Variants in MECOM observed in about 807,000 individuals in gnomAD.
The protein encoded by MECOM is MDS1 and EVI1 complex locus, also known as histone-lysine N-methyltransferase MECOM.
In MECOM, 13 loss-of-function variants were observed where a neutral mutation model predicts 116.3. The observed-to-expected ratio is 0.11, with a 90% CI of 0.07 to 0.18. The LOEUF (loss-of-function observed/expected upper bound fraction) is 0.18. MECOM is among the 10% of genes least tolerant of loss of function. The pLI is 1.00. For synonymous variants in MECOM, 528 were observed against 535.2 expected (o/e 0.99, Z 0.19); for missense variants, 1,299 against 1,509.0 (o/e 0.86, Z 2.31).
Position 169,089,122 on chromosome 3 carries a change from C to T in MECOM, c.3463G>A (p.Asp1155Asn), listed in dbSNP as rs756078516. Residue 1155 changes from aspartate (D) to asparagine (N), a missense_variant, in exon 16 of 17, where the codon GAT (aspartate) becomes AAT (asparagine). Transcript: ENST00000651503. The part of the protein sequence containing the change: ...SALDHIRHFT[D>N]SLKMRKMEDN... ...TCCATTTTCCTCATTTTGAGGCTATCTGTGAAGTGCCTTATATGATCTAGA... is the reference window on the plus strand; with the variant it reads ...TCCATTTTCCTCATTTTGAGGCTATTTGTGAAGTGCCTTATATGATCTAGA... 4.4e-6 allele frequency: 7 copies of T among 1,608,148 alleles called. No homozygotes were observed. Among genetic ancestry groups the T allele is most frequent in the East Asian group, 2.2e-5 (1 of 44,448 alleles).
intron 2 of MECOM, among the ~76,000 whole-genome samples, chr3:169,191,740 G>GAAAAAAGAAAGAAAGAA (rs760490760): frequency 1.6e-5 from 1 of 64,274 alleles, no homozygotes; most frequent in African/African-American, 5.0e-5. Flanking sequence ...AAGAAAGAAA[G>GAAAAAAGAAAGAAAGAA]AGAAAGAAAG....
chr3:169,536,028 T>C (rs1759307725), intron 1 of MECOM, among the ~76,000 whole-genome samples: 1 of 152,222 alleles, frequency 6.6e-6, no homozygotes, highest in Non-Finnish European at 1.5e-5. Context: ...TATGCACTAC[T>C]GTTTCATTTA....
chr3:169,639,083 T>A (rs1277234226), intron 1 of MECOM, among the ~76,000 whole-genome samples: 1 of 152,072 alleles, frequency 6.6e-6, no homozygotes, highest in African/African-American at 2.4e-5. Context: ...AACCAATCAT[T>A]AGGATTAGCA....
intron 2 of MECOM, among the ~76,000 whole-genome samples, chr3:169,378,386 CA>C (rs1166941175): frequency 3.4e-5 from 2 of 59,182 alleles, no homozygotes; most frequent in Non-Finnish European, 7.1e-5. Flanking sequence ...GGAAGGAAGA[CA>C]AGAAAGAAAG....
At chr3:169,604,238 T>C (rs73879090) in intron 1 of MECOM, among the ~76,000 whole-genome samples, 1,709 of 151,466 alleles carry the variant, frequency 0.011, 33 homozygotes, top group African/African-American at 0.04. Context: ...TCTCTCTCTC[T>C]CTCCCTCCCT....
chr3:169,115,853 A>G lies in MECOM; in HGVS notation c.2019T>C (p.Phe673=). Residue 673 remains phenylalanine (F), a synonymous_variant, in exon 8 of 17, where the codon TTT becomes TTC. Coordinates refer to ENST00000651503, the MANE Select transcript of MECOM (RefSeq NM_004991.4). The part of the protein sequence containing the change: ...KAIASIAEKY[F]GSTGLVGLQD... ...GCAGCCCCACCAGTCCTGTTGAACC[A>G]AAGTATTTTTCAGCAATAGAAGCAA... 7 of 1,614,090 alleles carry G rather than the reference A, an allele frequency of 4.3e-6. No homozygotes were observed. The highest frequency in any genetic ancestry group is 1.1e-5 in the South Asian group (1 of 91,082).
chr3:169,146,504 C>G (rs776047941), intron 2 of MECOM: 1 of 1,380,270 alleles, frequency 7.2e-7, no homozygotes, highest in Non-Finnish European at 9.6e-7. Flanking sequence ...ACCCCGGAGA[C>G]GTGTCCAGAC....
In MECOM at chr3:169,121,237, A is replaced by C; in HGVS notation, c.979-28T>G. The C allele has an allele frequency of 6.4e-7, 1 of 1,560,728 alleles. No homozygotes were observed. The highest frequency in any genetic ancestry group is 8.7e-7 in the Non-Finnish European group (1 of 1,148,062). On this transcript the variant is annotated intron_variant, in intron 6 of 16. Transcript: ENST00000651503. Reference sequence around the variant, plus strand: ...GCTAGGAAATGAGTACTGATTAATCAAGAAACTTAACTCAAGGGCACAATA... The same window carrying C: ...GCTAGGAAATGAGTACTGATTAATCCAGAAACTTAACTCAAGGGCACAATA...
At chr3:169,631,938 C>G (rs893395244) in intron 1 of MECOM, among the ~76,000 whole-genome samples, 1 of 152,020 alleles carries the variant, frequency 6.6e-6, no homozygotes, top group East Asian at 1.9e-4. Flanking sequence ...TTTGTCTGCT[C>G]TTGTTGATGT....
intron 2 of MECOM, among the ~76,000 whole-genome samples, chr3:169,196,862 T>G (rs1748472455): frequency 6.6e-6 from 1 of 151,982 alleles, no homozygotes; most frequent in Non-Finnish European, 1.5e-5. Flanking sequence ...CCCATGCACT[T>G]GTATTTTAAT....
At position 169,116,094 on chromosome 3, in the gene MECOM, A is replaced by G. The variant is rs1577004258; in HGVS notation, c.1778T>C (p.Leu593Pro). 3.7e-6 allele frequency: 6 copies of G among 1,614,132 alleles called. No homozygotes were observed. Among genetic ancestry groups the G allele is most frequent in the Non-Finnish European group, 5.1e-6 (6 of 1,180,032 alleles). ...CAGATCAGAGCCCGAGGTTGTTTCC[A>G]GGTCACTGCCACTTGGTGTACTGAC... ...DDVSTPSGSD[L>P]ETTSGSDLES... The change falls in exon 8 of 17, where the codon CTG becomes CCG. Residue 593 changes from leucine to proline, a missense_variant. By Grantham distance (98) the Leu-to-Pro change is moderately conservative. This residue lies in a region of MECOM where 238 missense variants were observed against 273.1 expected (regional missense o/e 0.87). Transcript: ENST00000651503.
intron 1 of MECOM, among the ~76,000 whole-genome samples, chr3:169,408,743 G>T (rs917845383): frequency 3.9e-5 from 6 of 152,140 alleles, no homozygotes; most frequent in African/African-American, 1.4e-4. Flanking sequence ...ATCCTGGTTG[G>T]CTGTATGCTA....
chr3:169,447,476 C>G (rs1164167518), intron 1 of MECOM, among the ~76,000 whole-genome samples: 1 of 151,996 alleles, frequency 6.6e-6, no homozygotes, highest in East Asian at 1.9e-4. Context: ...TTTGAGATGT[C>G]CAAAGAAAGG....
rs149876646 is a variant in MECOM at position 169,109,313 on chromosome 3, C to T, written c.2578-1361G>A. On this transcript the variant is annotated intron_variant, in intron 9 of 16. Transcript: ENST00000651503. Reference sequence around the variant, plus strand: ...GAAAACTAGAAGACTAAATAGTTCTCACCTGGCCTGATAGAGCAAACATGC... The same window carrying T: ...GAAAACTAGAAGACTAAATAGTTCTTACCTGGCCTGATAGAGCAAACATGC... Among the ~76,000 whole-genome samples, 33 of 152,294 alleles carry T rather than the reference C, an allele frequency of 2.2e-4. 2 individuals are homozygous for T. The East Asian group carries it at 6.4e-3, about 29-fold the overall frequency.
At chr3:169,362,524 C>T (rs889384907) in intron 2 of MECOM, among the ~76,000 whole-genome samples, 3 of 151,810 alleles carry the variant, frequency 2.0e-5, no homozygotes, top group Non-Finnish European at 4.4e-5. Context: ...AGCAAGGGAG[C>T]TATGCCACAT....
intron 1 of MECOM, chr3:169,484,098 G>A: frequency 1.2e-6 from 1 of 866,374 alleles, no homozygotes; most frequent in Admixed American, 2.2e-5. Context: ...TTGTTATTCT[G>A]TTATATTTCA....
chr3:169,535,685 C>T (rs907212965), intron 1 of MECOM, among the ~76,000 whole-genome samples: 1 of 152,206 alleles, frequency 6.6e-6, no homozygotes, highest in Non-Finnish European at 1.5e-5. Context: ...CCTATCCCAT[C>T]TGGATTATAA....
intron 2 of MECOM, among the ~76,000 whole-genome samples, chr3:169,237,569 C>T (rs556127655): frequency 1.1e-3 from 141 of 129,460 alleles, no homozygotes; most frequent in Non-Finnish European, 1.8e-3. Flanking sequence ...TTCATGAGGG[C>T]GACACATATT....
Position 169,418,662 on chromosome 3 carries a change from T to C in MECOM, c.38-37138A>G, listed in dbSNP as rs141436906. 1.4e-4 allele frequency among the ~76,000 whole-genome samples: 22 copies of C among 152,224 alleles called. No homozygotes were observed. The East Asian group carries it at 4.2e-3, about 29-fold the overall frequency. Reference sequence around the variant, plus strand: ...GACAAAAACCACATGATTATCTCAATAGATGCAGAAAAGGCCTTCGATAAA... The same window carrying C: ...GACAAAAACCACATGATTATCTCAACAGATGCAGAAAAGGCCTTCGATAAA... On this transcript the variant is annotated intron_variant, in intron 1 of 16. Coordinates refer to ENST00000651503, the MANE Select transcript of MECOM (RefSeq NM_004991.4).
Sources: gnomAD v4.1 joint callset for allele counts (sites outside exome capture counted in the v4.1 genomes callset) on GRCh38, gnomAD v4.1.1 for gene constraint, gnomAD v4.1.1 regional missense constraint, MANE v1.5 for transcripts, NCBI Gene and HGNC (gene_info 2026-07-23, HGNC 2026-07-21) for gene names.